Variants in ARB2A observed in about 807,000 individuals in gnomAD.
ARB2A encodes ARB2 cotranscriptional regulator A, also known as cotranscriptional regulator ARB2A.
the ARB2A span, among the ~76,000 whole-genome samples, chr5:93,814,520 T>C: frequency 6.6e-6 from 1 of 152,228 alleles, no homozygotes; most frequent in Non-Finnish European, 1.5e-5. Flanking sequence ...AGTTCATCTA[T>C]ACAAATGGTT....
the ARB2A span, among the ~76,000 whole-genome samples, chr5:93,741,879 G>T: frequency 7.0e-6 from 1 of 142,880 alleles, no homozygotes; most frequent in Non-Finnish European, 1.5e-5. Flanking sequence ...ATAGAACCCA[G>T]GTATTTTCTT....
the ARB2A span, among the ~76,000 whole-genome samples, chr5:94,097,324 C>A: frequency 1.3e-5 from 2 of 152,180 alleles, no homozygotes; most frequent in East Asian, 3.9e-4. Context: ...CCAATGGCCA[C>A]CCCCACAGTT....
the ARB2A span, among the ~76,000 whole-genome samples, chr5:93,680,320 ATTAT>A: frequency 2.6e-5 from 4 of 152,108 alleles, no homozygotes; most frequent in South Asian, 4.1e-4. Flanking sequence ...TTAATTTTTG[ATTAT>A]TTGTCATAAT....
the ARB2A span, among the ~76,000 whole-genome samples, chr5:93,842,970 C>T: frequency 1.3e-5 from 2 of 152,170 alleles, no homozygotes; most frequent in Admixed American, 6.5e-5. Context: ...ATCCCCCAAA[C>T]CCCCGGGCCT....
At chr5:93,896,526 T>C in the ARB2A span, among the ~76,000 whole-genome samples, 1 of 152,056 alleles carries the variant, frequency 6.6e-6, no homozygotes, top group South Asian at 2.1e-4. Flanking sequence ...TATATGCAAA[T>C]ACTGCAAAAT....
chr5:93,923,899 A>G, the ARB2A span, among the ~76,000 whole-genome samples: 1 of 152,234 alleles, frequency 6.6e-6, no homozygotes, highest in East Asian at 1.9e-4. Context: ...TCATATATAT[A>G]ATATGTATCC....
chr5:94,087,840 T>C, the ARB2A span, among the ~76,000 whole-genome samples: 1 of 152,212 alleles, frequency 6.6e-6, no homozygotes, highest in Admixed American at 6.5e-5. Context: ...ACATGTCATA[T>C]AGGTTTGGAG....
At chr5:94,031,228 G>T in the ARB2A span, among the ~76,000 whole-genome samples, 1 of 152,144 alleles carries the variant, frequency 6.6e-6, no homozygotes, top group African/African-American at 2.4e-5. Context: ...GACAATTCTG[G>T]TGAGCGCTCA....
chr5:93,699,578 T>C, the ARB2A span, among the ~76,000 whole-genome samples: 4 of 152,134 alleles, frequency 2.6e-5, no homozygotes, highest in Non-Finnish European at 5.9e-5. Flanking sequence ...ATTTGACTGC[T>C]GTCTATTGAG....
At chr5:93,901,728 G>A in the ARB2A span, among the ~76,000 whole-genome samples, 1 of 152,108 alleles carries the variant, frequency 6.6e-6, no homozygotes, top group Non-Finnish European at 1.5e-5. Context: ...GTAGTTGGAA[G>A]ATGAGTAGGT....
the ARB2A span, among the ~76,000 whole-genome samples, chr5:93,973,995 G>A: frequency 6.6e-6 from 1 of 152,154 alleles, no homozygotes; most frequent in Non-Finnish European, 1.5e-5. Context: ...ACACAGTTGA[G>A]ACTACCATGC....
chr5:93,702,627 A>G, the ARB2A span, among the ~76,000 whole-genome samples: 3 of 152,130 alleles, frequency 2.0e-5, no homozygotes, highest in African/African-American at 7.2e-5. Flanking sequence ...TAAATGAAGG[A>G]AAGAAGGAGC....
the ARB2A span, among the ~76,000 whole-genome samples, chr5:93,661,403 T>C: frequency 6.6e-6 from 1 of 152,176 alleles, no homozygotes; most frequent in African/African-American, 2.4e-5. Context: ...TCACTCCTTT[T>C]AGTGAAGCTA....
At chr5:93,658,177 A>C in the ARB2A span, among the ~76,000 whole-genome samples, 1 of 152,120 alleles carries the variant, frequency 6.6e-6, no homozygotes, top group Non-Finnish European at 1.5e-5. Flanking sequence ...TGGTCAACTT[A>C]AGACTCTCAT....
At chr5:93,644,302 C>T in the ARB2A span, among the ~76,000 whole-genome samples, 159 of 152,132 alleles carry the variant, frequency 1.0e-3, 3 homozygotes, top group Admixed American at 5.7e-3. Flanking sequence ...ATTTACTGCT[C>T]GTGTTAGCAC....
chr5:93,903,739 G>GTA, the ARB2A span, among the ~76,000 whole-genome samples: 1 of 151,258 alleles, frequency 6.6e-6, no homozygotes, highest in Non-Finnish European at 1.5e-5. Context: ...GTGTGTGTGT[G>GTA]TGTGTATAGT....
chr5:94,102,488 A>G, the ARB2A span, among the ~76,000 whole-genome samples: 1 of 152,152 alleles, frequency 6.6e-6, no homozygotes, highest in Non-Finnish European at 1.5e-5. Flanking sequence ...AACGAATAAA[A>G]AGAATGAACA....
the ARB2A span, among the ~76,000 whole-genome samples, chr5:94,061,885 C>G: frequency 6.6e-6 from 1 of 152,116 alleles, no homozygotes; most frequent in Non-Finnish European, 1.5e-5. Flanking sequence ...AGTTTAAATA[C>G]AATTCCTATC....
the ARB2A span, among the ~76,000 whole-genome samples, chr5:94,007,950 A>G: frequency 6.6e-6 from 1 of 152,230 alleles, no homozygotes; most frequent in Non-Finnish European, 1.5e-5. Flanking sequence ...ATTACATTAC[A>G]TTACAGAGAA....
Sources: gnomAD v4.1 joint callset for allele counts (sites outside exome capture counted in the v4.1 genomes callset) on GRCh38, gnomAD v4.1.1 for gene constraint, MANE v1.5 for transcripts, NCBI Gene and HGNC (gene_info 2026-07-23, HGNC 2026-07-21) for gene names.